Variants in NAALADL2 observed in about 807,000 individuals in gnomAD.
NAALADL2 encodes N-acetylated alpha-linked acidic dipeptidase like 2, also known as inactive N-acetylated-alpha-linked acidic dipeptidase-like protein 2.
In NAALADL2, 76 loss-of-function variants were observed where a neutral mutation model predicts 87.2. That is an observed-to-expected ratio of 0.87 (90% CI 0.72 to 1.05). The LOEUF (loss-of-function observed/expected upper bound fraction) is 1.05, where lower values mean the gene tolerates loss of function less well. Among genes scored for constraint, NAALADL2 ranks in the 50% least tolerant of loss-of-function variants. The probability of loss-of-function intolerance (pLI) is 0.00; values close to 1 mark genes in which losing one functional copy is unlikely to be tolerated. For missense variants in NAALADL2, 1,089 were observed against 945.8 expected (o/e 1.15, Z -1.99); for synonymous variants, 354 against 331.0 (o/e 1.07, Z -0.75).
chr3:175,487,503 C>A, intron 9 of NAALADL2: 1 of 456,508 alleles, frequency 2.2e-6, no homozygotes, highest in East Asian at 7.0e-5. Flanking sequence ...GAACTAAGAG[C>A]AGATTTCTGT....
intron 5 of NAALADL2, among the ~76,000 whole-genome samples, chr3:175,433,994 C>T (rs950585851): frequency 1.3e-5 from 2 of 151,914 alleles, no homozygotes; most frequent in African/African-American, 4.8e-5. Context: ...TCTTCTCTCA[C>T]TATATACCAT....
At chr3:175,375,978 G>A (rs968611339) in intron 5 of NAALADL2, among the ~76,000 whole-genome samples, 1 of 151,910 alleles carries the variant, frequency 6.6e-6, no homozygotes, top group Non-Finnish European at 1.5e-5. Context: ...AATTATTTCA[G>A]TCTACAAATA....
chr3:175,579,880 T>C (rs1357042164), intron 10 of NAALADL2, among the ~76,000 whole-genome samples: 1 of 152,148 alleles, frequency 6.6e-6, no homozygotes, highest in Non-Finnish European at 1.5e-5. Context: ...CTATCTTTCT[T>C]AGTATATCAG....
chr3:174,508,415 T>C (rs1719368048), intron 1 of NAALADL2, among the ~76,000 whole-genome samples: 1 of 152,202 alleles, frequency 6.6e-6, no homozygotes, highest in East Asian at 1.9e-4. Flanking sequence ...ACCCGGTCCC[T>C]GGGTGTATAG....
intron 1 of NAALADL2, among the ~76,000 whole-genome samples, chr3:174,983,425 T>G (rs1560440580): frequency 6.6e-6 from 1 of 152,200 alleles, no homozygotes; most frequent in South Asian, 2.1e-4. Context: ...TTGGCTTGGT[T>G]GTATCTTAGT....
intron 11 of NAALADL2, among the ~76,000 whole-genome samples, chr3:175,698,436 T>C (rs548659555): frequency 3.7e-5 from 5 of 135,220 alleles, no homozygotes; most frequent in African/African-American, 1.4e-4. Flanking sequence ...TATGTGTATA[T>C]ATTTATGTAT....
At position 175,693,576 on chromosome 3, in the gene NAALADL2, T is replaced by C. The variant is rs80027558; in HGVS notation, c.1897-43730T>C. ...TAAACTAAGAAGCTAGGGAAGAGAC[T>C]GACAAGATGTTTTTGTCAGACTTGA... On this transcript the variant is annotated intron_variant, in intron 11 of 13. Coordinates refer to ENST00000454872, the MANE Select transcript of NAALADL2 (RefSeq NM_207015.3). 6.0e-3 allele frequency among the ~76,000 whole-genome samples: 920 copies of C among 152,246 alleles called. 9 individuals carry two copies. The highest frequency in any genetic ancestry group is 0.021 in the African/African-American group (859 of 41,546).
intron 11 of NAALADL2, among the ~76,000 whole-genome samples, chr3:175,667,439 T>TTGTC (rs1733349250): frequency 6.6e-6 from 1 of 152,066 alleles, no homozygotes; most frequent in Non-Finnish European, 1.5e-5. Context: ...AAAACTTTGA[T>TTGTC]TGTCTTTCTG....
At chr3:174,474,141 C>T (rs1162383336) in intron 1 of NAALADL2, among the ~76,000 whole-genome samples, 1 of 152,110 alleles carries the variant, frequency 6.6e-6, no homozygotes, top group Non-Finnish European at 1.5e-5. Flanking sequence ...CAAACCATAT[C>T]AGAGGCCAAT....
In NAALADL2 at chr3:174,488,570, T is replaced by C. The variant is rs186254381; in HGVS notation, c.-184+47538T>C. 3.9e-5 allele frequency among the ~76,000 whole-genome samples: 6 copies of C among 152,192 alleles called. No homozygotes were observed. In the East Asian group the frequency reaches 7.7e-4, roughly 20 times the overall value. ...CTAAGGATGCAGTATGTAAAAACTC[T>C]CTTTTTAACCAAGAAAGGAAGACTT... On this transcript the variant is annotated intron_variant, in intron 1 of 3. Coordinates refer to the NAALADL2 transcript ENST00000434257.
intron 5 of NAALADL2, among the ~76,000 whole-genome samples, chr3:175,365,250 A>T (rs1054076370): frequency 5.4e-5 from 8 of 147,640 alleles, no homozygotes; most frequent in African/African-American, 2.0e-4. Flanking sequence ...TGTGTGGGCT[A>T]CAGTAATGAG....
chr3:175,245,453 A>G (rs1468182061), intron 3 of NAALADL2, among the ~76,000 whole-genome samples: 1 of 152,206 alleles, frequency 6.6e-6, no homozygotes, highest in East Asian at 1.9e-4. Flanking sequence ...TATCACAATA[A>G]TTTTAACTTT....
chr3:175,616,991 G>A (rs1725434291), intron 10 of NAALADL2, among the ~76,000 whole-genome samples: 1 of 152,106 alleles, frequency 6.6e-6, no homozygotes, highest in Admixed American at 6.5e-5. Flanking sequence ...CCACCAAAGG[G>A]AGAAGAAGAA....
chr3:175,624,354 C>T (rs950018848), intron 10 of NAALADL2, among the ~76,000 whole-genome samples: 11 of 151,910 alleles, frequency 7.2e-5, no homozygotes, highest in African/African-American at 2.4e-4. Flanking sequence ...AGAATAACAG[C>T]ACAGATTTGG....
At chr3:175,187,584 GTA>G (rs1485934371) in intron 2 of NAALADL2, among the ~76,000 whole-genome samples, 2 of 152,062 alleles carry the variant, frequency 1.3e-5, no homozygotes, top group African/African-American at 2.4e-5. Flanking sequence ...TATTATGTAT[GTA>G]TATGTCACTC....
intron 1 of NAALADL2, among the ~76,000 whole-genome samples, chr3:175,023,152 G>C (rs1387110151): frequency 6.6e-6 from 1 of 152,042 alleles, no homozygotes; most frequent in Non-Finnish European, 1.5e-5. Context: ...AGACCACTCT[G>C]GACACTAGGG....
intron 2 of NAALADL2, among the ~76,000 whole-genome samples, chr3:174,649,630 AAAC>A (rs1265671522): frequency 1.3e-5 from 2 of 152,142 alleles, no homozygotes; most frequent in Non-Finnish European, 2.9e-5. Flanking sequence ...CAATGAGTTA[AAAC>A]AAGTTTTCAT....
intron 11 of NAALADL2, among the ~76,000 whole-genome samples, chr3:175,710,411 C>T (rs1933035699): frequency 6.6e-6 from 1 of 151,784 alleles, no homozygotes; most frequent in Admixed American, 6.6e-5. Flanking sequence ...CAAAAAAGGC[C>T]AGATAGACAT....
Position 174,747,393 on chromosome 3 carries a change from A to G in NAALADL2, c.-9+9647A>G, listed in dbSNP as rs572473535. On this transcript the variant is annotated intron_variant, in intron 3 of 3. Coordinates refer to the NAALADL2 transcript ENST00000434257. ...CCACAGTGAGATAACATCTCACGCC[A>G]GTCAGAATGGTGATTATTAAAAAGT... Among the ~76,000 whole-genome samples the G allele has an allele frequency of 1.6e-4, 24 of 152,200 alleles. No individual in the cohort carries two copies. In the East Asian group the frequency reaches 4.6e-3, roughly 29 times the overall value.
Sources: allele counts gnomAD v4.1 joint callset (sites outside exome capture counted in the v4.1 genomes callset), GRCh38; gene constraint gnomAD v4.1.1; transcripts MANE v1.5; gene names NCBI Gene and HGNC (gene_info 2026-07-23, HGNC 2026-07-21).